PEX3: variants seen among roughly 807,000 people sequenced by gnomAD.
The protein encoded by PEX3 is peroxisomal biogenesis factor 3.
A neutral mutation model predicts 55.8 loss-of-function variants in PEX3; 30 were observed. The observed-to-expected ratio is 0.54, with a 90% CI of 0.40 to 0.73. PEX3 has a LOEUF of 0.73. PEX3 is among the 30% of genes least tolerant of loss of function. The probability of loss-of-function intolerance (pLI) is 0.00; values close to 1 mark genes in which losing one functional copy is unlikely to be tolerated. For missense variants in PEX3, 351 were observed against 432.8 expected, an observed-to-expected ratio of 0.81 and a Z score of 1.68; for synonymous variants, 135 against 148.4, an observed-to-expected ratio of 0.91 and a Z score of 0.66.
Position 143,465,349 on chromosome 6 carries a change from A to G in PEX3, c.287+2352A>G, listed in dbSNP as rs1035457935. 3.3e-5 allele frequency among the ~76,000 whole-genome samples: 5 copies of G among 151,992 alleles called. No homozygotes were observed. The highest frequency in any genetic ancestry group is 1.2e-4 in the African/African-American group (5 of 41,426). On this transcript the variant is annotated intron_variant, in intron 3 of 11. Transcript: ENST00000367591. This position sits in a 1 kb window ranked among gnomAD's most constrained non-coding sequence, Gnocchi z 4.7. ...AGGTCTAATAATGTTAAGTGTAAAC[A>G]TGAAGAAATGTCCTGGGTAACTATT...
Position 143,475,804 on chromosome 6 carries a change from C to T in PEX3, c.818+948C>T, listed in dbSNP as rs1780143507. 1.3e-5 allele frequency among the ~76,000 whole-genome samples: 2 copies of T among 152,184 alleles called. No homozygotes were observed. The stretch of plus-strand genomic sequence containing the variant: ...CAAATGTATAGCCCTAGTCCTCCAC[C>T]CTCAGGAGCTTGTCTGGATTGAAAT... On this transcript the variant is annotated intron_variant, in intron 9 of 11. Transcript: ENST00000367591. The surrounding 1 kb of genome is among the most constrained non-coding windows in gnomAD (Gnocchi z 4.4).
In PEX3 at chr6:143,475,780, A is replaced by C. The variant is rs138851125; in HGVS notation, c.818+924A>C. Among the ~76,000 whole-genome samples the C allele has an allele frequency of 3.8e-4, 58 of 152,354 alleles. No individual in the cohort carries two copies. Among genetic ancestry groups the C allele is most frequent in the African/African-American group, 1.3e-3 (53 of 41,584 alleles). On this transcript the variant is annotated intron_variant, in intron 9 of 11. Coordinates refer to ENST00000367591, the MANE Select transcript of PEX3 (RefSeq NM_003630.3). The surrounding 1 kb of genome is among the most constrained non-coding windows in gnomAD (Gnocchi z 4.4). ...CTTTACTATGCTAGTAGTTAAAGCC[A>C]AATGTATAGCCCTAGTCCTCCACCC... is the stretch of plus-strand genomic sequence containing the variant.
Position 143,459,319 on chromosome 6 carries a change from G to T in PEX3, c.205+103G>T, listed in dbSNP as rs1048032257. ...TAGAGGAAAAGGCAAAGAAAAGATG[G>T]TAAATCTAGCAAGTGTTTGAATGAT... On this transcript the variant is annotated intron_variant, in intron 2 of 11. Coordinates refer to ENST00000367591, the MANE Select transcript of PEX3 (RefSeq NM_003630.3). The surrounding 1 kb of genome is among the most constrained non-coding windows in gnomAD (Gnocchi z 4.2). The T allele has an allele frequency of 1.0e-6, 1 of 959,958 alleles. No individual in the cohort carries two copies. 59.5% of individuals were successfully genotyped at this position (959,958 alleles called of 1,614,324 possible). A position where few individuals can be genotyped will look rare whatever the true frequency, so the allele number is the denominator to read the frequency against.
In PEX3 at chr6:143,479,147, A is replaced by T. The variant is rs777438053; in HGVS notation, c.890A>T (p.Glu297Val). The T allele has an allele frequency of 1.2e-6, 2 of 1,600,592 alleles. No individual in the cohort carries two copies. The highest frequency in any genetic ancestry group is 2.2e-5 in the East Asian group (1 of 44,728). Residue 297 changes from glutamate (E) to valine (V), a missense_variant, in exon 10 of 12, where the codon GAG (glutamate) becomes GTG (valine). Transcript: ENST00000367591. The surrounding 1 kb of genome is among the most constrained non-coding windows in gnomAD (Gnocchi z 4.6). ...AGTAGACTTCTAGACAATATGGCTGAGTTCTTTCGACCTACTGAACAGGAC... is the reference window on the plus strand; with the variant it reads ...AGTAGACTTCTAGACAATATGGCTGTGTTCTTTCGACCTACTGAACAGGAC... ...GFSRLLDNMA[E>V]FFRPTEQDLQ...
At chr6:143,477,744 C>G (rs1254612375) in intron 9 of PEX3, among the ~76,000 whole-genome samples, 1 of 152,120 alleles carries the variant, frequency 6.6e-6, no homozygotes, top group East Asian at 1.9e-4. Context: ...CTTTATCTAT[C>G]TTAACTCACT....
In PEX3 at chr6:143,482,989, AT is replaced by A. The variant is rs1397412861; in HGVS notation, c.942-2161del. Among the ~76,000 whole-genome samples the A allele has an allele frequency of 6.6e-6, 1 of 152,192 alleles. No homozygotes were observed. The highest frequency in any genetic ancestry group is 1.5e-5 in the Non-Finnish European group (1 of 68,018). ...AGCTTTTTATAAGCTTTTCATCAAT[AT>A]TAAATGCAAATAATATACAGGAGGA... On this transcript the variant is annotated intron_variant, in intron 10 of 11. Transcript: ENST00000367591. The surrounding 1 kb of genome is among the most constrained non-coding windows in gnomAD (Gnocchi z 5.5).
Position 143,485,744 on chromosome 6 carries a change from A to G in PEX3, c.1038+496A>G, listed in dbSNP as rs1471786414. 6.6e-6 allele frequency among the ~76,000 whole-genome samples: 1 copy of G among 152,022 alleles called. No homozygotes were observed. Among genetic ancestry groups the G allele is most frequent in the African/African-American group, 2.4e-5 (1 of 41,404 alleles). ...TAAATGTTTTATCAGACTACCTATA[A>G]CTCCATCTTATTTCTTCATTTCCAT... is the stretch of plus-strand genomic sequence containing the variant. On this transcript the variant is annotated intron_variant, in intron 11 of 11. Coordinates refer to ENST00000367591, the MANE Select transcript of PEX3 (RefSeq NM_003630.3). This position sits in a 1 kb window ranked among gnomAD's most constrained non-coding sequence, Gnocchi z 5.6.
chr6:143,465,851 G>C lies in PEX3; in HGVS notation c.288-2271G>C, dbSNP rs916485096. Among the ~76,000 whole-genome samples, 1 of 152,026 alleles carries C rather than the reference G, an allele frequency of 6.6e-6. No individual in the cohort carries two copies. Among genetic ancestry groups the C allele is most frequent in the Non-Finnish European group, 1.5e-5 (1 of 67,912 alleles). On this transcript the variant is annotated intron_variant, in intron 3 of 11. Transcript: ENST00000367591. This position sits in a 1 kb window ranked among gnomAD's most constrained non-coding sequence, Gnocchi z 4.7. ...GGCAAAGAAAGACAAGAAGCTAGTA[G>C]TATCTTTAAAATTGTAATAGTAACT...
Position 143,450,826 on chromosome 6 carries a change from GGCGGCA to G in PEX3, c.-209_-204del. ...GACCAGTGAGCGGCGGCGGCTGCGC[GGCGGCA>G]GCGGCAGAAAGCGTAGCTGCTTTGC... On this transcript the variant is annotated 5_prime_UTR_variant, in exon 1 of 12. Coordinates refer to ENST00000367591, the MANE Select transcript of PEX3 (RefSeq NM_003630.3). The G allele has an allele frequency of 1.3e-6, 1 of 771,860 alleles. No individual in the cohort carries two copies. The highest frequency in any genetic ancestry group is 2.1e-6 in the Non-Finnish European group (1 of 465,960). The allele number at this position is 771,860 out of a possible 1,614,324, so 47.8% of individuals were successfully genotyped here.
rs954160845 is a variant in PEX3, at chr6:143,462,110, A to C, written c.206-806A>C. Reference sequence around the variant, plus strand: ...TATTCTCCAGCATTTCTTATTCCACATGTAGAGCCATAAATAAACTCCTAA... The same window carrying C: ...TATTCTCCAGCATTTCTTATTCCACCTGTAGAGCCATAAATAAACTCCTAA... On this transcript the variant is annotated intron_variant, in intron 2 of 11. Coordinates refer to ENST00000367591, the MANE Select transcript of PEX3 (RefSeq NM_003630.3). The surrounding 1 kb of genome is among the most constrained non-coding windows in gnomAD (Gnocchi z 4.1). Among the ~76,000 whole-genome samples, 2 of 152,112 alleles carry C rather than the reference A, an allele frequency of 1.3e-5. No individual in the cohort carries two copies. The highest frequency in any genetic ancestry group is 2.9e-5 in the Non-Finnish European group (2 of 68,028).
At chr6:143,455,837 TAGAATC>T (rs1330002561) in intron 1 of PEX3, among the ~76,000 whole-genome samples, 6 of 152,302 alleles carry the variant, frequency 3.9e-5, no homozygotes, top group African/African-American at 1.4e-4. Flanking sequence ...GTGTCTGAAA[TAGAATC>T]AGAATACTGT....
At position 143,454,025 on chromosome 6, in the gene PEX3, A is replaced by C. The variant is rs973193805; in HGVS notation, c.73+2910A>C. On this transcript the variant is annotated intron_variant, in intron 1 of 11. Transcript: ENST00000367591. The surrounding 1 kb of genome is among the most constrained non-coding windows in gnomAD (Gnocchi z 4.3). ...AGTTATGATATTCAAAATTAAAATG[A>C]AATTTTTTAAAATATTAATTCATTT... Among the ~76,000 whole-genome samples, 1 of 138,568 alleles carries C rather than the reference A, an allele frequency of 7.2e-6. No homozygotes were observed. Among genetic ancestry groups the C allele is most frequent in the Admixed American group, 6.9e-5 (1 of 14,528 alleles). The allele number at this position is 138,568 out of a possible 152,430, so 90.9% of individuals were successfully genotyped here.
At position 143,459,423 on chromosome 6, in the gene PEX3, T is replaced by C. The variant is rs1459924677; in HGVS notation, c.205+207T>C. Among the ~76,000 whole-genome samples, 4 of 152,198 alleles carry C rather than the reference T, an allele frequency of 2.6e-5. No homozygotes were observed. Among genetic ancestry groups the C allele is most frequent in the Non-Finnish European group, 5.9e-5 (4 of 68,026 alleles). On this transcript the variant is annotated intron_variant, in intron 2 of 11. Transcript: ENST00000367591. This position sits in a 1 kb window ranked among gnomAD's most constrained non-coding sequence, Gnocchi z 4.2. ...TATTTATTCATTTAGCAAATACTTG[T>C]ATCCAGGCCTGGGGAAGCAGGAAGT...
Position 143,475,706 on chromosome 6 carries a change from C to T in PEX3, c.818+850C>T, listed in dbSNP as rs1013353414. Among the ~76,000 whole-genome samples, 1 of 152,148 alleles carries T rather than the reference C, an allele frequency of 6.6e-6. No individual in the cohort carries two copies. The highest frequency in any genetic ancestry group is 2.4e-5 in the African/African-American group (1 of 41,444). ...CATCAGTGTTTCCCAGGTATTTGTTCTTTCTTCATTGGCAACTGCCTCCCA... is the reference window on the plus strand; with the variant it reads ...CATCAGTGTTTCCCAGGTATTTGTTTTTTCTTCATTGGCAACTGCCTCCCA... On this transcript the variant is annotated intron_variant, in intron 9 of 11. Transcript: ENST00000367591. The surrounding 1 kb of genome is among the most constrained non-coding windows in gnomAD (Gnocchi z 4.4).
At position 143,488,653 on chromosome 6, in the gene PEX3, C is replaced by T. The variant is rs563513859; in HGVS notation, c.1039-490C>T. ...GTAATTTTTTTCTTATCTTCACATT[C>T]GCAAATCCCTTGGGGTGTTAATAAC... is the stretch of plus-strand genomic sequence containing the variant. On this transcript the variant is annotated intron_variant, in intron 11 of 11. Transcript: ENST00000367591. This position sits in a 1 kb window ranked among gnomAD's most constrained non-coding sequence, Gnocchi z 4.9. Among the ~76,000 whole-genome samples, 131 of 152,150 alleles carry T rather than the reference C, an allele frequency of 8.6e-4. 1 individual carries two copies. Among genetic ancestry groups the T allele is most frequent in the African/African-American group, 2.6e-3 (106 of 41,532 alleles).
In PEX3 at chr6:143,464,955, C is replaced by T. The variant is rs776020952; in HGVS notation, c.287+1958C>T. 4.0e-5 allele frequency among the ~76,000 whole-genome samples: 6 copies of T among 151,792 alleles called. No homozygotes were observed. Among genetic ancestry groups the T allele is most frequent in the African/African-American group, 9.7e-5 (4 of 41,370 alleles). On this transcript the variant is annotated intron_variant, in intron 3 of 11. Transcript: ENST00000367591. This position sits in a 1 kb window ranked among gnomAD's most constrained non-coding sequence, Gnocchi z 5.8. ...TTTGATAGTCTTATTTTGCCAACTT[C>T]ATAACAGCAAATAAACAGTTATCAC...
Position 143,479,490 on chromosome 6 carries a change from A to T in PEX3, c.941+292A>T, listed in dbSNP as rs1780202404. The stretch of plus-strand genomic sequence containing the variant: ...TATTGTTTTTTTTTAACTCTTTAGA[A>T]TACAAAACTCACAATATGTTTTAAT... On this transcript the variant is annotated intron_variant, in intron 10 of 11. Coordinates refer to ENST00000367591, the MANE Select transcript of PEX3 (RefSeq NM_003630.3). This position sits in a 1 kb window ranked among gnomAD's most constrained non-coding sequence, Gnocchi z 4.6. Among the ~76,000 whole-genome samples the T allele has an allele frequency of 6.6e-6, 1 of 152,098 alleles. No homozygotes were observed. Among genetic ancestry groups the T allele is most frequent in the Non-Finnish European group, 1.5e-5 (1 of 67,950 alleles).
rs73780420 is a variant in PEX3 at position 143,485,914 on chromosome 6, A to T, written c.1038+666A>T. 0.024 allele frequency among the ~76,000 whole-genome samples: 3,648 copies of T among 152,232 alleles called. 154 individuals carry two copies. The highest frequency in any genetic ancestry group is 0.083 in the African/African-American group (3,441 of 41,542). On this transcript the variant is annotated intron_variant, in intron 11 of 11. Transcript: ENST00000367591. The surrounding 1 kb of genome is among the most constrained non-coding windows in gnomAD (Gnocchi z 5.6). Reference sequence around the variant, plus strand: ...GTTATAAGTTAAAAAATTGTTTGCAATGCCAGTTGCAAACTGCTTCAATAA... The same window carrying T: ...GTTATAAGTTAAAAAATTGTTTGCATTGCCAGTTGCAAACTGCTTCAATAA...
chr6:143,484,699 T>G (rs1374389872), intron 10 of PEX3, among the ~76,000 whole-genome samples: 1 of 152,086 alleles, frequency 6.6e-6, no homozygotes, highest in Non-Finnish European at 1.5e-5. Context: ...TTTGACCCAG[T>G]GATTTCATGT....
Sources: gnomAD v4.1 joint callset for allele counts (sites outside exome capture counted in the v4.1 genomes callset) on GRCh38, gnomAD v4.1.1 for gene constraint, Gnocchi (gnomAD v3.1) non-coding constraint, MANE v1.5 for transcripts, NCBI Gene and HGNC (gene_info 2026-07-23, HGNC 2026-07-21) for gene names.